The following PTK2B variants were observed in gnomAD, a reference collection of about 807,000 sequenced individuals.
The protein encoded by PTK2B is protein tyrosine kinase 2 beta.
A neutral mutation model predicts 142.9 loss-of-function variants in PTK2B; 71 were observed. The ratio of observed to expected loss-of-function variants is 0.50; its 90% confidence interval spans 0.41 to 0.61. The LOEUF is 0.61. Ranked by LOEUF, PTK2B falls within the 20% of genes least tolerant of loss-of-function variation. The pLI is 0.00. For missense variants in PTK2B, 1,105 were observed against 1,320.4 expected, an observed-to-expected ratio of 0.84 and a Z score of 2.53; for synonymous variants, 519 against 503.4, an observed-to-expected ratio of 1.03 and a Z score of -0.42.
chr8:27,340,296 C>G (rs1337495001), intron 1 of PTK2B, among the ~76,000 whole-genome samples: 1 of 152,124 alleles, frequency 6.6e-6, no homozygotes. Flanking sequence ...AAGAGGTGGC[C>G]CAAAAGGTGG....
chr8:27,380,195 A>G (rs953390340), intron 1 of PTK2B, among the ~76,000 whole-genome samples: 10 of 151,914 alleles, frequency 6.6e-5, no homozygotes, highest in Admixed American at 5.9e-4. Flanking sequence ...TTCTCTGCCC[A>G]GCCCTGGCTT....
intron 1 of PTK2B, among the ~76,000 whole-genome samples, chr8:27,348,268 A>C (rs1804830453): frequency 6.6e-6 from 1 of 152,200 alleles, no homozygotes; most frequent in Admixed American, 6.5e-5. Context: ...CTGTGTTACG[A>C]ATACTCAAAT....
intron 30 of PTK2B, among the ~76,000 whole-genome samples, chr8:27,457,302 A>G (rs1583092): frequency 0.85 from 129,542 of 152,184 alleles, 55,505 homozygotes; most frequent in Middle Eastern, 0.94. Context: ...TAAATCTACT[A>G]TTGAGGTTTA....
chr8:27,438,610 G>C (rs1038984958), intron 18 of PTK2B, among the ~76,000 whole-genome samples: 5 of 152,222 alleles, frequency 3.3e-5, no homozygotes, highest in African/African-American at 1.2e-4. Flanking sequence ...TGTGTTCAGG[G>C]AAGTGGTTGG....
intron 30 of PTK2B, among the ~76,000 whole-genome samples, chr8:27,457,976 A>AAAC (rs1812246306): frequency 4.2e-5 from 1 of 23,690 alleles, no homozygotes; most frequent in African/African-American, 1.7e-4. Context: ...ACTCAGTCTC[A>AAAC]AAAAAAAAAA....
chr8:27,412,440 C>T (rs1260584752), intron 2 of PTK2B, among the ~76,000 whole-genome samples: 3 of 152,106 alleles, frequency 2.0e-5, no homozygotes, highest in Admixed American at 6.5e-5. Context: ...GTTTAAACAC[C>T]CCCTCTGCAG....
chr8:27,379,962 G>A (rs539285429), intron 1 of PTK2B, among the ~76,000 whole-genome samples: 4 of 152,152 alleles, frequency 2.6e-5, no homozygotes, highest in African/African-American at 7.2e-5. Flanking sequence ...GGGTGGTTTC[G>A]AACTCCTGAG....
intron 2 of PTK2B, among the ~76,000 whole-genome samples, chr8:27,419,476 A>G (rs868250759): frequency 2.0e-5 from 3 of 152,216 alleles, no homozygotes; most frequent in Non-Finnish European, 4.4e-5. Context: ...TGTGGATTCA[A>G]TGAAATCATG....
At chr8:27,311,415 C>T (rs1008129112), upstream of PTK2B, 7 of 750,626 alleles carry the variant, frequency 9.3e-6, no homozygotes, top group Non-Finnish European at 1.4e-5. Flanking sequence ...AGGGGGCGCT[C>T]GGAGGAGCCC....
chr8:27,423,893 G>A (rs895499897), intron 5 of PTK2B, among the ~76,000 whole-genome samples: 23 of 152,146 alleles, frequency 1.5e-4, no homozygotes, highest in African/African-American at 5.6e-4. Flanking sequence ...GGGAGCATTC[G>A]AGTCCTCTGT....
intron 1 of PTK2B, among the ~76,000 whole-genome samples, chr8:27,329,074 A>G (rs1421320020): frequency 6.6e-6 from 1 of 151,724 alleles, no homozygotes; most frequent in East Asian, 1.9e-4. Flanking sequence ...AGTAGCTGGG[A>G]TTACAGGCAC....
In PTK2B at chr8:27,436,303, G is replaced by T; in HGVS notation, c.1296G>T (p.Gly432=). ...REDVVLNRIL[G]EGFFGEVYEG... is the part of the protein sequence containing the mutation. ...ATGTGGTCCTGAATCGTATTCTTGG[G>T]GAAGGCTTTTTTGGGGAGGTCTATG... The change falls in exon 15 of 31, where the codon GGG becomes GGT. Residue 432 remains glycine, a synonymous_variant. Transcript: ENST00000346049. The T allele has an allele frequency of 6.2e-7, 1 of 1,614,150 alleles. No individual in the cohort carries two copies. The highest frequency in any genetic ancestry group is 8.5e-7 in the Non-Finnish European group (1 of 1,180,036).
chr8:27,453,954 C>T, intron 28 of PTK2B, 200 bp from the exon 29 acceptor site: 3 of 637,020 alleles, frequency 4.7e-6, no homozygotes, highest in South Asian at 4.0e-5. Context: ...ACTAGTATTC[C>T]GTTAAGGCTC....
At chr8:27,447,186 T>A (rs1563299215) in intron 24 of PTK2B, among the ~76,000 whole-genome samples, 1 of 152,212 alleles carries the variant, frequency 6.6e-6, no homozygotes, top group Non-Finnish European at 1.5e-5. Context: ...ATAAAGAGAT[T>A]GTGCAGTAGG....
In PTK2B at chr8:27,454,445, C is replaced by T. The variant is rs1436237068; in HGVS notation, c.2734-86C>T. The T allele has an allele frequency of 3.2e-6, 5 of 1,556,386 alleles. 1 individual carries two copies. The highest frequency in any genetic ancestry group is 1.1e-5 in the South Asian group (1 of 89,168). On this transcript the variant is annotated intron_variant, in intron 29 of 30. Coordinates refer to ENST00000346049, the MANE Select transcript of PTK2B (RefSeq NM_173176.3). Reference sequence around the variant, plus strand: ...CCAGGCCACTCGCGGGGGACAAGCACCACCCCAGGAGAGCTCTTCCCAGGG... The same window carrying T: ...CCAGGCCACTCGCGGGGGACAAGCATCACCCCAGGAGAGCTCTTCCCAGGG...
At chr8:27,452,929 C>T (rs1347751269) in intron 27 of PTK2B, 185 bp from the exon 28 acceptor site, 2 of 661,702 alleles carry the variant, frequency 3.0e-6, no homozygotes, top group South Asian at 2.0e-5. Context: ...CAGTGCTGTC[C>T]CTGACTACTG....
intron 10 of PTK2B, 177 bp from the exon 11 acceptor site, chr8:27,433,258 T>G: frequency 1.6e-6 from 1 of 611,040 alleles, no homozygotes; most frequent in Non-Finnish European, 2.9e-6. Context: ...GGCGTACAGG[T>G]GAAAGGGGTG....
At chr8:27,382,159 G>T (rs1807067255) in intron 1 of PTK2B, among the ~76,000 whole-genome samples, 1 of 152,154 alleles carries the variant, frequency 6.6e-6, no homozygotes, top group South Asian at 2.1e-4. Flanking sequence ...TGTTGGCCAG[G>T]CTGGTCTTGA....
At chr8:27,430,744 C>A in intron 7 of PTK2B, 132 bp from the exon 8 acceptor site, 1 of 1,311,940 alleles carries the variant, frequency 7.6e-7, no homozygotes, top group Non-Finnish European at 1.0e-6. Context: ...GGTCATAGAT[C>A]ACAGCTGCTT....
Sources: gnomAD v4.1 joint callset for allele counts (sites outside exome capture counted in the v4.1 genomes callset) on GRCh38, gnomAD v4.1.1 for gene constraint, MANE v1.5 for transcripts, NCBI Gene and HGNC (gene_info 2026-07-23, HGNC 2026-07-21) for gene names.